INSL6: variants seen among roughly 807,000 people sequenced by gnomAD.
INSL6 encodes the protein insulin like 6, also known as insulin-like peptide INSL6.
INSL6 carries 16 observed loss-of-function variants against 9.4 expected under a neutral mutation model. That is an observed-to-expected ratio of 1.70 (90% confidence interval 1.15 to 2.59). INSL6 has a LOEUF of 2.59. Among genes scored for constraint, INSL6 ranks in the 30% most tolerant of loss-of-function variants. The probability of loss-of-function intolerance (pLI) is 0.00; values close to 1 mark genes in which losing one functional copy is unlikely to be tolerated. For missense variants in INSL6, 391 were observed against 257.3 expected (o/e 1.52, Z -3.56); for synonymous variants, 154 against 96.9 (o/e 1.59, Z -3.46).
the INSL6 span, among the ~76,000 whole-genome samples, chr9:5,093,736 T>C: frequency 6.6e-6 from 1 of 152,156 alleles, no homozygotes; most frequent in Non-Finnish European, 1.5e-5. Context: ...ACCCTAGGGA[T>C]AACAGTGCAA....
At chr9:5,113,693 A>T in the INSL6 span, 1 of 165,694 alleles carries the variant, frequency 6.0e-6, no homozygotes, top group African/African-American at 2.4e-5. Flanking sequence ...AGGCTCCCTC[A>T]ACAGGAGCGC....
the INSL6 span, chr9:5,022,102 C>G: frequency 6.2e-7 from 1 of 1,613,616 alleles, no homozygotes; most frequent in Non-Finnish European, 8.5e-7. Context: ...AGATCCAGTT[C>G]TTCAGGTGTA....
At chr9:5,055,573 T>G in the INSL6 span, 3 of 984,718 alleles carry the variant, frequency 3.0e-6, no homozygotes, top group South Asian at 3.4e-5. Context: ...TTTTTTATTT[T>G]AAAGAATTTG....
At chr9:5,106,612 G>C in the INSL6 span, among the ~76,000 whole-genome samples, 2 of 152,298 alleles carry the variant, frequency 1.3e-5, no homozygotes, top group East Asian at 1.9e-4. Flanking sequence ...TATGTTTACT[G>C]TGGCACTATT....
At chr9:4,998,502 G>A in the INSL6 span, among the ~76,000 whole-genome samples, 713 of 152,140 alleles carry the variant, frequency 4.7e-3, 4 homozygotes, top group African/African-American at 0.016. Flanking sequence ...TGATCCGCCC[G>A]CCTTGGCCTC....
chr9:5,067,666 A>G, the INSL6 span, among the ~76,000 whole-genome samples: 3 of 151,882 alleles, frequency 2.0e-5, no homozygotes, highest in South Asian at 2.1e-4. Flanking sequence ...ATATATATAT[A>G]TATTTTATGT....
At chr9:5,100,014 A>G in the INSL6 span, 1 of 152,224 alleles carries the variant, frequency 6.6e-6, no homozygotes, top group Non-Finnish European at 1.5e-5. Flanking sequence ...TTATTCAACC[A>G]ATAGCATTAG....
At chr9:5,055,633 C>G in the INSL6 span, 1 of 1,482,972 alleles carries the variant, frequency 6.7e-7, no homozygotes, top group Non-Finnish European at 9.3e-7. Context: ...TCTGTAAATT[C>G]TACCCGTTTT....
chr9:5,178,819 A>C (rs1423472084), intron 1 of INSL6, among the ~76,000 whole-genome samples: 1 of 152,168 alleles, frequency 6.6e-6, no homozygotes, highest in Non-Finnish European at 1.5e-5. Flanking sequence ...TAGGCTCAAA[A>C]TTGAAACTGG....
chr9:5,066,942 C>T, the INSL6 span, among the ~76,000 whole-genome samples: 554 of 151,924 alleles, frequency 3.6e-3, 3 homozygotes, highest in Middle Eastern at 0.01. Context: ...AGATTCTGTA[C>T]AAATAAACAA....
chr9:5,073,803 C>T, the INSL6 span: 1 of 1,447,268 alleles, frequency 6.9e-7, no homozygotes, highest in South Asian at 1.2e-5. Context: ...AAACTACAGG[C>T]TTTCTAATGC....
chr9:5,023,568 G>A, the INSL6 span, among the ~76,000 whole-genome samples: 1 of 152,162 alleles, frequency 6.6e-6, no homozygotes, highest in African/African-American at 2.4e-5. Context: ...AAATTCCAGG[G>A]GTTCACAGTA....
At chr9:5,030,911 A>T in the INSL6 span, among the ~76,000 whole-genome samples, 223 of 152,300 alleles carry the variant, frequency 1.5e-3, no homozygotes, top group Non-Finnish European at 2.6e-3. Context: ...GTTCAAAGAA[A>T]TAATAGATGT....
chr9:5,047,684 G>A, the INSL6 span, among the ~76,000 whole-genome samples: 587 of 152,146 alleles, frequency 3.9e-3, 4 homozygotes, highest in African/African-American at 0.013. Flanking sequence ...TGAACTCCTG[G>A]GCTCCAGTGA....
the INSL6 span, among the ~76,000 whole-genome samples, chr9:5,030,901 G>T: frequency 6.6e-6 from 1 of 152,032 alleles, no homozygotes; most frequent in African/African-American, 2.4e-5. Context: ...AAAAATAAAT[G>T]TTCAAAGAAA....
chr9:5,143,427 T>C (rs1484536222), intron 2 of INSL6, among the ~76,000 whole-genome samples: 1 of 152,054 alleles, frequency 6.6e-6, no homozygotes, highest in African/African-American at 2.4e-5. Flanking sequence ...AGGGGGTATG[T>C]ATCCAGGAAT....
chr9:5,009,836 A>G, the INSL6 span, among the ~76,000 whole-genome samples: 3 of 151,694 alleles, frequency 2.0e-5, no homozygotes, highest in Non-Finnish European at 4.4e-5. Flanking sequence ...AGTGGTGCCA[A>G]CCTAGCTCAC....
At chr9:5,141,474 T>C (rs1439708557) in intron 2 of INSL6, among the ~76,000 whole-genome samples, 1 of 152,236 alleles carries the variant, frequency 6.6e-6, no homozygotes, top group African/African-American at 2.4e-5. Context: ...CTTTTTTTCA[T>C]ACGATTGTTG....
rs990028849 is a variant in INSL6, at chr9:5,145,904, G to C, written c.377-12312C>G. Among the ~76,000 whole-genome samples, 5 of 152,116 alleles carry C rather than the reference G, an allele frequency of 3.3e-5. No individual in the cohort carries two copies. In the East Asian group the frequency reaches 5.8e-4, roughly 18 times the overall value. The stretch of plus-strand genomic sequence containing the variant: ...GGTTACAATATACTCCTGTGGCTCA[G>C]TGAACTTCATTCCTATCCATATTCT... On this transcript the variant is annotated intron_variant, in intron 2 of 3. Transcript: ENST00000649639.
Sources: gnomAD v4.1 joint callset for allele counts (sites outside exome capture counted in the v4.1 genomes callset) on GRCh38, gnomAD v4.1.1 for gene constraint, MANE v1.5 for transcripts, NCBI Gene and HGNC (gene_info 2026-07-23, HGNC 2026-07-21) for gene names.